RNF180: variants seen among roughly 807,000 people sequenced by gnomAD.
The protein encoded by RNF180 is ring finger protein 180.
A neutral mutation model predicts 59.2 loss-of-function variants in RNF180; 38 were observed. The observed-to-expected ratio is 0.64, with a 90% confidence interval of 0.50 to 0.84. The LOEUF is 0.84. Ranked by LOEUF, RNF180 falls within the 40% of genes least tolerant of loss-of-function variation. The probability of loss-of-function intolerance (pLI) is 0.00; values close to 1 mark genes in which losing one functional copy is unlikely to be tolerated. For synonymous variants in RNF180, 262 were observed against 240.3 expected (o/e 1.09, Z -0.84); for missense variants, 705 against 700.9 (o/e 1.01, Z -0.07).
chr5:64,255,415 G>A (rs1268009767), intron 5 of RNF180, among the ~76,000 whole-genome samples: 1 of 152,070 alleles, frequency 6.6e-6, no homozygotes, highest in African/African-American at 2.4e-5. Context: ...TGTTCTCATT[G>A]TTCAATTCCC....
intron 2 of RNF180, among the ~76,000 whole-genome samples, chr5:64,203,145 GATAC>G (rs1413431724): frequency 6.6e-6 from 1 of 152,162 alleles, no homozygotes; most frequent in African/African-American, 2.4e-5. Flanking sequence ...GTGGAAGAGT[GATAC>G]AGAGTTGAAA....
chr5:64,275,903 CT>C (rs1046049047), intron 5 of RNF180, among the ~76,000 whole-genome samples: 5 of 152,088 alleles, frequency 3.3e-5, no homozygotes, highest in African/African-American at 9.7e-5. Flanking sequence ...ACCTTGCTTT[CT>C]CTTTAGAGTG....
chr5:64,319,196 G>A (rs1189626649), intron 5 of RNF180, among the ~76,000 whole-genome samples: 2 of 149,306 alleles, frequency 1.3e-5, no homozygotes, highest in South Asian at 2.1e-4. Context: ...AAAAAACTTT[G>A]TATCTATAAA....
chr5:64,241,932 T>C (rs1742833981), intron 5 of RNF180, among the ~76,000 whole-genome samples: 1 of 152,114 alleles, frequency 6.6e-6, no homozygotes, highest in Admixed American at 6.6e-5. Context: ...CACAGCCCCA[T>C]GTTCCAGGCT....
intron 5 of RNF180, among the ~76,000 whole-genome samples, chr5:64,312,041 G>T (rs1319037616): frequency 6.6e-6 from 1 of 152,038 alleles, no homozygotes; most frequent in Non-Finnish European, 1.5e-5. Context: ...GAGAGAGAAT[G>T]AAGCTGCTAG....
At chr5:64,176,182 A>G (rs189817048) in intron 1 of RNF180, among the ~76,000 whole-genome samples, 9 of 152,020 alleles carry the variant, frequency 5.9e-5, no homozygotes, top group Non-Finnish European at 1.3e-4. Flanking sequence ...AAGGTTTTCT[A>G]TTTCTTCATA....
At chr5:64,349,681 T>A (rs1447942048) in intron 7 of RNF180, among the ~76,000 whole-genome samples, 2 of 151,980 alleles carry the variant, frequency 1.3e-5, no homozygotes, top group Non-Finnish European at 2.9e-5. Context: ...AGTGAGAACA[T>A]GCGGTGTTTG....
At chr5:64,203,423 G>A (rs1027505688) in intron 2 of RNF180, among the ~76,000 whole-genome samples, 1 of 152,048 alleles carries the variant, frequency 6.6e-6, no homozygotes, top group Admixed American at 6.6e-5. Flanking sequence ...CCACTACATT[G>A]CAATTTTGAG....
chr5:64,168,481 ATC>A (rs1749765933), intron 1 of RNF180, among the ~76,000 whole-genome samples: 2 of 152,186 alleles, frequency 1.3e-5, no homozygotes, highest in Non-Finnish European at 2.9e-5. Context: ...TTTGCATGTA[ATC>A]TCTGTTGTAA....
At chr5:64,343,888 G>A (rs535150194) in intron 7 of RNF180, among the ~76,000 whole-genome samples, 1 of 151,502 alleles carries the variant, frequency 6.6e-6, no homozygotes, top group Admixed American at 6.6e-5. Flanking sequence ...TGGAAGCACA[G>A]AACTTTAGCA....
Position 64,214,079 on chromosome 5 carries a change from G to T in RNF180, c.753G>T (p.Lys251Asn), listed in dbSNP as rs1339983185. 1 of 1,613,986 alleles carries T rather than the reference G, an allele frequency of 6.2e-7. No individual in the cohort carries two copies. The highest frequency in any genetic ancestry group is 2.2e-5 in the East Asian group (1 of 44,886). The stretch of plus-strand genomic sequence containing the variant: ...CCACTTTATATGAAATACATAGTAA[G>T]ACTACTGCCTATTCCAGACTAAATG... ...LLPTLYEIHSKTTAYSRLNET... is the reference protein window; with the variant it reads ...LLPTLYEIHSNTTAYSRLNET... Residue 251 changes from lysine to asparagine, a missense_variant, in exon 4 of 8, where the codon AAG becomes AAT. Coordinates refer to ENST00000389100, the MANE Select transcript of RNF180 (RefSeq NM_001113561.2).
intron 5 of RNF180, among the ~76,000 whole-genome samples, chr5:64,312,739 C>A (rs1743835159): frequency 6.6e-6 from 1 of 152,022 alleles, no homozygotes; most frequent in Non-Finnish European, 1.5e-5. Flanking sequence ...ATCACAATAC[C>A]AACTGCAGGT....
chr5:64,319,082 C>T (rs1744208147), intron 5 of RNF180, among the ~76,000 whole-genome samples: 1 of 151,518 alleles, frequency 6.6e-6, no homozygotes, highest in East Asian at 1.9e-4. Flanking sequence ...ATAGGCAAAA[C>T]TCTGTGTGTG....
intron 7 of RNF180, among the ~76,000 whole-genome samples, chr5:64,360,862 A>G (rs1443353287): frequency 1.3e-5 from 2 of 151,594 alleles, no homozygotes; most frequent in African/African-American, 4.8e-5. Flanking sequence ...GGGTATCTTG[A>G]TATTCATATA....
Position 64,212,126 on chromosome 5 carries a change from C to T in RNF180, c.197C>T (p.Ala66Val). The change falls in exon 3 of 8, where the codon GCC (alanine) becomes GTC (valine). Residue 66 changes from alanine (A) to valine (V), a missense_variant. Ala to Val is a moderately conservative substitution (Grantham distance 64). Coordinates refer to ENST00000389100, the MANE Select transcript of RNF180 (RefSeq NM_001113561.2). ...CATGTGTGGCACATGAATGTAGAAG[C>T]CCTTCCAGAATGGATAAGCTGCCTA... ...ICHVWHMNVE[A>V]LPEWISCLIQ... The T allele has an allele frequency of 6.2e-7, 1 of 1,605,644 alleles. No homozygotes were observed. Among genetic ancestry groups the T allele is most frequent in the Non-Finnish European group, 8.5e-7 (1 of 1,172,644 alleles).
chr5:64,341,243 A>G (rs1745344030), intron 7 of RNF180, among the ~76,000 whole-genome samples: 1 of 152,150 alleles, frequency 6.6e-6, no homozygotes, highest in African/African-American at 2.4e-5. Flanking sequence ...AGAGCTCACA[A>G]TTTTAATAAT....
intron 1 of RNF180, among the ~76,000 whole-genome samples, chr5:64,192,687 A>G (rs1190323526): frequency 1.3e-5 from 2 of 151,862 alleles, no homozygotes; most frequent in East Asian, 3.9e-4. Context: ...ACAAACAAAC[A>G]AAACACAGTA....
At chr5:64,266,817 A>G (rs1744706698) in intron 5 of RNF180, among the ~76,000 whole-genome samples, 1 of 152,156 alleles carries the variant, frequency 6.6e-6, no homozygotes, top group Non-Finnish European at 1.5e-5. Context: ...ATATAAAACA[A>G]TAAGACCTCA....
At chr5:64,314,183 G>C (rs1247770304) in intron 5 of RNF180, among the ~76,000 whole-genome samples, 3 of 152,052 alleles carry the variant, frequency 2.0e-5, no homozygotes, top group Admixed American at 6.6e-5. Context: ...CACTTGTGGT[G>C]TCTTAGCACT....
Sources: allele counts gnomAD v4.1 joint callset (sites outside exome capture counted in the v4.1 genomes callset), GRCh38; gene constraint gnomAD v4.1.1; transcripts MANE v1.5; gene names NCBI Gene and HGNC (gene_info 2026-07-23, HGNC 2026-07-21).